The following PRH2 variants were observed in gnomAD, a reference collection of about 807,000 sequenced individuals.
PRH2 encodes the protein salivary acidic proline-rich phosphoprotein 1/2.
PRH2 carries 19 observed loss-of-function variants against 22.6 expected under a neutral mutation model. The observed-to-expected ratio is 0.84, with a 90% CI of 0.59 to 1.23. The LOEUF is 1.23. Among genes scored for constraint, PRH2 ranks in the 50% most tolerant of loss-of-function variants. The pLI is 0.00. For missense variants in PRH2, 109 were observed against 203.0 expected (o/e 0.54, Z 2.81); for synonymous variants, 45 against 72.0 (o/e 0.63, Z 1.90).
rs1950250568 is a variant in PRH2, at chr12:10,934,058, C to T, written c.*1851C>T. On this transcript the variant is annotated 3_prime_UTR_variant, in exon 4 of 4. Coordinates refer to ENST00000396400, the MANE Select transcript of PRH2 (RefSeq NM_001110213.1). ...AACTTCTAAAGAATCTTTGTGATTA[C>T]ACAATGACCAGCTAGTAAATATAAT... Among the ~76,000 whole-genome samples, 1 of 152,148 alleles carries T rather than the reference C, an allele frequency of 6.6e-6. No homozygotes were observed. The highest frequency in any genetic ancestry group is 1.5e-5 in the Non-Finnish European group (1 of 67,994).
At chr12:10,932,111 AG>A (rs1294553199) in intron 3 of PRH2, 114 bp from the exon 4 acceptor site, 3 of 297,496 alleles carry the variant, frequency 1.0e-5, no homozygotes, top group Non-Finnish European at 2.3e-5. Flanking sequence ...GGGCTGTAGA[AG>A]GGATAGAGGG....
In PRH2 at chr12:10,934,068, A is replaced by G. The variant is rs1279666415; in HGVS notation, c.*1861A>G. Among the ~76,000 whole-genome samples, 1 of 152,242 alleles carries G rather than the reference A, an allele frequency of 6.6e-6. No individual in the cohort carries two copies. The highest frequency in any genetic ancestry group is 6.5e-5 in the Admixed American group (1 of 15,286). On this transcript the variant is annotated 3_prime_UTR_variant, in exon 4 of 4. Transcript: ENST00000396400. ...GAATCTTTGTGATTACACAATGACCAGCTAGTAAATATAATAAGAAAATGA... is the reference window on the plus strand; with the variant it reads ...GAATCTTTGTGATTACACAATGACCGGCTAGTAAATATAATAAGAAAATGA...
intron 3 of PRH2, 78 bp from the exon 4 acceptor site, chr12:10,932,148 C>T (rs2135871230): frequency 2.6e-6 from 1 of 381,730 alleles, no homozygotes; most frequent in Non-Finnish European, 5.7e-6. Context: ...GCATCTTCCT[C>T]ACCGCAGTAA....
intron 3 of PRH2, among the ~76,000 whole-genome samples, chr12:10,931,844 A>C (rs1565479925): frequency 1.3e-5 from 2 of 151,656 alleles, no homozygotes; most frequent in Admixed American, 6.6e-5. Flanking sequence ...ATTATATATG[A>C]TGCTATTGTT....
At chr12:10,929,376 G>A in intron 1 of PRH2, 39 bp downstream of exon 1, 2 of 1,612,946 alleles carry the variant, frequency 1.2e-6, no homozygotes, top group Non-Finnish European at 1.7e-6. Context: ...ACTCTGATTG[G>A]GGTTTACGGG....
intron 2 of PRH2, 102 bp downstream of exon 2, chr12:10,930,406 A>G: frequency 2.0e-6 from 3 of 1,510,822 alleles, no homozygotes; most frequent in South Asian, 1.1e-5. Flanking sequence ...GAATTGGCTA[A>G]TATCAGTGCC....
intron 1 of PRH2, among the ~76,000 whole-genome samples, chr12:10,929,717 T>C (rs1950175757): frequency 1.3e-5 from 2 of 152,188 alleles, no homozygotes; most frequent in African/African-American, 4.8e-5. Context: ...TGAGTATCCA[T>C]GAAGGAGATA....
At chr12:10,930,603 T>C (rs1950191936) in intron 2 of PRH2, 59 bp from the exon 3 acceptor site, 2 of 1,604,190 alleles carry the variant, frequency 1.2e-6, no homozygotes, top group East Asian at 2.2e-5. Context: ...GACAGAGAGA[T>C]ATGAAGACAG....
At chr12:10,930,585 G>A in intron 2 of PRH2, 77 bp from the exon 3 acceptor site, 2 of 1,588,084 alleles carry the variant, frequency 1.3e-6, no homozygotes, top group Non-Finnish European at 1.7e-6. Flanking sequence ...GGCCGGCCGT[G>A]TGGTGAAGAC....
intron 2 of PRH2, 94 bp from the exon 3 acceptor site, chr12:10,930,568 A>G: frequency 1.9e-6 from 3 of 1,568,640 alleles, no homozygotes; most frequent in Non-Finnish European, 2.6e-6. Context: ...CAGGTCAGGG[A>G]GAGAGGGGCC....
rs1350042513 is a variant in PRH2 at position 10,930,948 on chromosome 12, C to A, written c.387C>A (p.Pro129=). Residue 129 remains proline (P), a synonymous_variant, in exon 3 of 4, where the codon CCC becomes CCA. Coordinates refer to ENST00000396400, the MANE Select transcript of PRH2 (RefSeq NM_001110213.1). ...CTCGAGGAAGGCCACAAGGACCACC[C>A]CAACAGGGAGGCCATCAGCAAGGTC... ...RPPRGRPQGP[P]QQGGHQQGPP... 6.2e-7 allele frequency: 1 copy of A among 1,604,140 alleles called. No homozygotes were observed. Among genetic ancestry groups the A allele is most frequent in the Non-Finnish European group, 8.5e-7 (1 of 1,174,962 alleles).
In PRH2 at chr12:10,930,918, T is replaced by C. The variant is rs1405835918; in HGVS notation, c.357T>C (p.Arg119=). Residue 119 remains arginine (R), a synonymous_variant, in exon 3 of 4, where the codon CGT becomes CGC. Coordinates refer to ENST00000396400, the MANE Select transcript of PRH2 (RefSeq NM_001110213.1). ...CACCCCAACAGGGAGGCCATCCCCG[T>C]CCTCCTCGAGGAAGGCCACAAGGAC... is the stretch of plus-strand genomic sequence containing the variant. ...QGPPQQGGHP[R]PPRGRPQGPP... 4.4e-6 allele frequency: 7 copies of C among 1,605,670 alleles called. No individual in the cohort carries two copies. The highest frequency in any genetic ancestry group is 5.9e-6 in the Non-Finnish European group (7 of 1,176,634).
intron 3 of PRH2, among the ~76,000 whole-genome samples, 181 bp from the exon 4 acceptor site, chr12:10,932,045 C>T (rs1487754837): frequency 3.9e-5 from 6 of 152,128 alleles, no homozygotes; most frequent in Non-Finnish European, 8.8e-5. Flanking sequence ...CAGTTTAAAG[C>T]ACATTACGTG....
intron 3 of PRH2, among the ~76,000 whole-genome samples, chr12:10,931,452 C>G (rs149577929): frequency 5.1e-4 from 78 of 152,302 alleles, no homozygotes; most frequent in Middle Eastern, 3.4e-3. Context: ...CTCACACTAG[C>G]ATTTCAAGTC....
rs767483741 is a variant in PRH2 at position 10,929,277 on chromosome 12, C to A, written c.4C>A (p.Leu2Ile). Residue 2 changes from leucine (L) to isoleucine (I), a missense_variant, in exon 1 of 4, where the codon CTT becomes ATT. Around this residue, in one of 4 missense-constraint regions of PRH2, gnomAD observed 54 missense variants for 60.5 expected, o/e 0.89. Transcript: ENST00000396400. M[L>I]LILLSVALLA... ...TGACACCAGAGCCTTCTGCAAGATG[C>A]TTCTGATTCTGCTGTCAGTGGCCCT... 1.2e-6 allele frequency: 2 copies of A among 1,614,194 alleles called. No homozygotes were observed. Among genetic ancestry groups the A allele is most frequent in the South Asian group, 2.2e-5 (2 of 91,078 alleles).
At position 10,933,749 on chromosome 12, in the gene PRH2, A is replaced by G. The variant is rs181902621; in HGVS notation, c.*1542A>G. Among the ~76,000 whole-genome samples the G allele has an allele frequency of 6.6e-6, 1 of 152,266 alleles. No individual in the cohort carries two copies. The highest frequency in any genetic ancestry group is 1.5e-5 in the Non-Finnish European group (1 of 67,966). On this transcript the variant is annotated 3_prime_UTR_variant, in exon 4 of 4. Coordinates refer to ENST00000396400, the MANE Select transcript of PRH2 (RefSeq NM_001110213.1). Reference sequence around the variant, plus strand: ...GTACCTCAAAGTAGCTGCTAACCTTATGTGTATCTGCAACACCCTGAAAAA... The same window carrying G: ...GTACCTCAAAGTAGCTGCTAACCTTGTGTGTATCTGCAACACCCTGAAAAA...
intron 1 of PRH2, 132 bp downstream of exon 1, chr12:10,929,469 C>T (rs551937237): frequency 4.6e-6 from 5 of 1,096,068 alleles, no homozygotes; most frequent in South Asian, 1.5e-5. Context: ...TGCCAAGGAT[C>T]AGAAGACCTG....
rs1052212032 is a variant in PRH2 at position 10,934,237 on chromosome 12, T to C, written c.*2030T>C. On this transcript the variant is annotated 3_prime_UTR_variant, in exon 4 of 4. Transcript: ENST00000396400. ...CCCAGGGATGGGTTCCCCCTAGTGA[T>C]GTATTCTCTTCACCACAAGAGTTTG... 2.6e-5 allele frequency among the ~76,000 whole-genome samples: 4 copies of C among 152,182 alleles called. No individual in the cohort carries two copies. Among genetic ancestry groups the C allele is most frequent in the African/African-American group, 9.6e-5 (4 of 41,464 alleles).
chr12:10,931,304 T>C, intron 3 of PRH2: 1 of 961,468 alleles, frequency 1.0e-6, no homozygotes, highest in Non-Finnish European at 1.5e-6. Flanking sequence ...AAATTACCTC[T>C]CTTAAATAGG....
Sources: allele counts gnomAD v4.1 joint callset (sites outside exome capture counted in the v4.1 genomes callset), GRCh38; gene constraint gnomAD v4.1.1; regional missense constraint gnomAD v4.1.1; transcripts MANE v1.5; gene names NCBI Gene and HGNC (gene_info 2026-07-23, HGNC 2026-07-21).